ASAP1: variants seen among roughly 807,000 people sequenced by gnomAD.
The protein encoded by ASAP1 is ArfGAP with SH3 domain, ankyrin repeat and PH domain 1.
A neutral mutation model predicts 145.2 loss-of-function variants in ASAP1; 43 were observed. The ratio of observed to expected loss-of-function variants is 0.30; its 90% CI spans 0.23 to 0.38. The LOEUF (loss-of-function observed/expected upper bound fraction) is 0.38. Ranked by LOEUF, ASAP1 falls within the 10% of genes least tolerant of loss-of-function variation. The pLI, the probability that ASAP1 is intolerant of heterozygous loss-of-function variation, is 1.00. For synonymous variants in ASAP1, 546 were observed against 515.5 expected, an observed-to-expected ratio of 1.06 and a Z score of -0.80; for missense variants, 1,018 against 1,355.3, an observed-to-expected ratio of 0.75 and a Z score of 3.91.
chr8:130,169,958 T>C (rs1813468435), intron 9 of ASAP1, among the ~76,000 whole-genome samples: 1 of 152,180 alleles, frequency 6.6e-6, no homozygotes, highest in African/African-American at 2.4e-5. Flanking sequence ...CTGATATCAG[T>C]TTAGAAAAAT....
chr8:130,057,577 T>C (rs1033475607), intron 29 of ASAP1, among the ~76,000 whole-genome samples: 7 of 152,070 alleles, frequency 4.6e-5, no homozygotes, highest in African/African-American at 1.7e-4. Flanking sequence ...GCCTCCCGAG[T>C]AGCTGGGACT....
intron 1 of ASAP1, among the ~76,000 whole-genome samples, chr8:130,402,399 A>C (rs971217384): frequency 2.0e-5 from 3 of 152,230 alleles, no homozygotes; most frequent in African/African-American, 7.2e-5. Flanking sequence ...GGAAGAAGGC[A>C]GATATAGAAG....
chr8:130,221,855 C>T (rs1358184383), intron 4 of ASAP1, among the ~76,000 whole-genome samples: 1 of 152,166 alleles, frequency 6.6e-6, no homozygotes, highest in Non-Finnish European at 1.5e-5. Flanking sequence ...TCTTTCTAAA[C>T]CTCATCCTCC....
intron 4 of ASAP1, among the ~76,000 whole-genome samples, chr8:130,225,154 G>T (rs984775342): frequency 3.3e-5 from 5 of 152,070 alleles, no homozygotes; most frequent in African/African-American, 4.8e-5. Flanking sequence ...CTATCAGTTT[G>T]TAAGAATGTC....
intron 24 of ASAP1, among the ~76,000 whole-genome samples, chr8:130,097,111 G>GTGACAGT (rs1416014845): frequency 5.5e-5 from 6 of 109,350 alleles, no homozygotes; most frequent in Non-Finnish European, 1.0e-4. Flanking sequence ...AGGAGACAGA[G>GTGACAGT]TGACAGTTAG....
rs1592842047 is a variant in ASAP1, at chr8:130,118,060, A to G, written c.1880+101T>C. 5.2e-6 allele frequency: 5 copies of G among 960,514 alleles called. No homozygotes were observed. The South Asian group carries it at 8.1e-5, about 16-fold the overall frequency. The allele number at this position is 960,514 out of a possible 1,614,324, so 59.5% of individuals were successfully genotyped here. A position where few individuals can be genotyped will look rare whatever the true frequency, so the allele number is the denominator to read the frequency against. On this transcript the variant is annotated intron_variant, in intron 20 of 29. Transcript: ENST00000518721. ...AATTTTTATATCTAGCATGACACAG[A>G]AAAAGCTTGCCAATTCCCGATCTAG...
intron 12 of ASAP1, among the ~76,000 whole-genome samples, chr8:130,154,284 A>C (rs1159017941): frequency 6.6e-6 from 1 of 152,214 alleles, no homozygotes; most frequent in African/African-American, 2.4e-5. Context: ...ATAGTTAGTA[A>C]CAAGTGATAG....
rs1474930999 is a variant in ASAP1 at position 130,358,431 on chromosome 8, G to A, written c.60-288C>T. On this transcript the variant is annotated intron_variant, in intron 2 of 29. Transcript: ENST00000518721. This position sits in a 1 kb window ranked among gnomAD's most constrained non-coding sequence, Gnocchi z 4.1. ...CCGCCTCCCTCTGCTCATGCCGGCGGCGGCAGCTCCTCAGCGGCGGGGGAG... is the reference window on the plus strand; with the variant it reads ...CCGCCTCCCTCTGCTCATGCCGGCGACGGCAGCTCCTCAGCGGCGGGGGAG... Among the ~76,000 whole-genome samples, 3 of 148,590 alleles carry A rather than the reference G, an allele frequency of 2.0e-5. No individual in the cohort carries two copies. The highest frequency in any genetic ancestry group is 4.5e-5 in the Non-Finnish European group (3 of 66,586).
chr8:130,225,402 T>C (rs977161713), intron 4 of ASAP1, among the ~76,000 whole-genome samples: 3 of 152,248 alleles, frequency 2.0e-5, no homozygotes, highest in Admixed American at 6.5e-5. Flanking sequence ...TTTGTTTATA[T>C]AGCACAGGAA....
intron 12 of ASAP1, among the ~76,000 whole-genome samples, chr8:130,156,030 G>C (rs1336681248): frequency 6.6e-6 from 1 of 152,136 alleles, no homozygotes; most frequent in Admixed American, 6.5e-5. Flanking sequence ...GTATTACAAA[G>C]ACAGTAATGC....
chr8:130,206,358 A>G lies in ASAP1; in HGVS notation c.405+8198T>C, dbSNP rs1265499984. Reference sequence around the variant, plus strand: ...GCTCTCCATACTTTTTAACATTTCAAAGAAGAACTTGAGAAATAATCTGCT... The same window carrying G: ...GCTCTCCATACTTTTTAACATTTCAGAGAAGAACTTGAGAAATAATCTGCT... On this transcript the variant is annotated intron_variant, in intron 5 of 29. Coordinates refer to ENST00000518721, the MANE Select transcript of ASAP1 (RefSeq NM_018482.4). Among the ~76,000 whole-genome samples, 4 of 152,170 alleles carry G rather than the reference A, an allele frequency of 2.6e-5. No homozygotes were observed. In the East Asian group the frequency reaches 5.8e-4, roughly 22 times the overall value.
At chr8:130,376,224 G>C (rs546592271) in intron 2 of ASAP1, among the ~76,000 whole-genome samples, 22 of 152,312 alleles carry the variant, frequency 1.4e-4, no homozygotes, top group African/African-American at 5.3e-4. Context: ...TGGTCACAAG[G>C]CTGGGCTGGG....
At chr8:130,111,856 G>A (rs2135583549) in intron 24 of ASAP1, among the ~76,000 whole-genome samples, 1 of 152,264 alleles carries the variant, frequency 6.6e-6, no homozygotes, top group East Asian at 1.9e-4. Flanking sequence ...ATACTTCACA[G>A]GATTGTTGTA....
intron 3 of ASAP1, among the ~76,000 whole-genome samples, chr8:130,308,789 C>T (rs544445790): frequency 1.1e-4 from 17 of 152,246 alleles, no homozygotes; most frequent in African/African-American, 4.1e-4. Flanking sequence ...CACCTGTAAT[C>T]CCACCACTTT....
At chr8:130,279,237 G>A (rs1490718729) in intron 3 of ASAP1, among the ~76,000 whole-genome samples, 1 of 152,118 alleles carries the variant, frequency 6.6e-6, no homozygotes, top group Non-Finnish European at 1.5e-5. Context: ...GTACACGGGG[G>A]AGGCACAGGA....
At chr8:130,185,729 C>CAAAAAAAAAA (rs778486303) in intron 7 of ASAP1, among the ~76,000 whole-genome samples, 1 of 57,104 alleles carries the variant, frequency 1.8e-5, no homozygotes, top group Non-Finnish European at 3.7e-5. Flanking sequence ...AACTCCGCCT[C>CAAAAAAAAAA]AAAAAAAAAA....
intron 4 of ASAP1, among the ~76,000 whole-genome samples, chr8:130,230,005 C>T (rs1817813456): frequency 6.6e-6 from 1 of 151,964 alleles, no homozygotes; most frequent in African/African-American, 2.4e-5. Context: ...GTCAAGGATG[C>T]CGTGAGTGAG....
chr8:130,168,157 TA>T (rs2097683829), intron 10 of ASAP1, among the ~76,000 whole-genome samples: 1 of 152,184 alleles, frequency 6.6e-6, no homozygotes, highest in Non-Finnish European at 1.5e-5. Flanking sequence ...TAAAGTTATA[TA>T]AAAGGCATTC....
chr8:130,286,570 G>A (rs1488590855), intron 3 of ASAP1, among the ~76,000 whole-genome samples: 1 of 152,102 alleles, frequency 6.6e-6, no homozygotes, highest in Admixed American at 6.6e-5. Flanking sequence ...GTATGCTCTG[G>A]TTCCTTCCTC....
Sources: gnomAD v4.1 joint callset for allele counts (sites outside exome capture counted in the v4.1 genomes callset) on GRCh38, gnomAD v4.1.1 for gene constraint, Gnocchi (gnomAD v3.1) non-coding constraint, MANE v1.5 for transcripts, NCBI Gene and HGNC (gene_info 2026-07-23, HGNC 2026-07-21) for gene names.